The following MGAT5 variants were observed in gnomAD, a reference collection of about 807,000 sequenced individuals.
The protein encoded by MGAT5 is alpha-1,6-mannosylglycoprotein 6-beta-N-acetylglucosaminyltransferase A.
A neutral mutation model predicts 94.3 loss-of-function variants in MGAT5; 30 were observed. That is an observed-to-expected ratio of 0.32 (90% confidence interval 0.24 to 0.43). The LOEUF is 0.43. Ranked by LOEUF, MGAT5 falls within the 20% of genes least tolerant of loss-of-function variation. The probability of loss-of-function intolerance (pLI) is 1.00; values close to 1 mark genes in which losing one functional copy is unlikely to be tolerated. For missense variants in MGAT5, 691 were observed against 905.5 expected (o/e 0.76, Z 3.04); for synonymous variants, 310 against 322.9 (o/e 0.96, Z 0.43).
intron 12 of MGAT5, among the ~76,000 whole-genome samples, chr2:134,415,140 G>C (rs1048829773): frequency 6.6e-6 from 1 of 152,106 alleles, no homozygotes; most frequent in African/African-American, 2.4e-5. Context: ...CCCAGCAGTG[G>C]GATTGCTGGA....
rs186066355 is a variant in MGAT5 at position 134,158,268 on chromosome 2, C to T, written c.-143+37977C>T. Among the ~76,000 whole-genome samples the T allele has an allele frequency of 2.8e-3, 425 of 152,350 alleles. 2 individuals carry two copies. Among genetic ancestry groups the T allele is most frequent in the African/African-American group, 9.7e-3 (404 of 41,590 alleles). On this transcript the variant is annotated intron_variant, in intron 1 of 16. Coordinates refer to the MGAT5 transcript ENST00000409645. Reference sequence around the variant, plus strand: ...GAGTATGTCTGCCTCCTCCCAGTGTCCATGGCACCTAAATTGTGCCAAGGG... The same window carrying T: ...GAGTATGTCTGCCTCCTCCCAGTGTTCATGGCACCTAAATTGTGCCAAGGG...
chr2:134,371,249 G>A (rs1558832938), intron 10 of MGAT5, among the ~76,000 whole-genome samples: 1 of 152,124 alleles, frequency 6.6e-6, no homozygotes, highest in Non-Finnish European at 1.5e-5. Context: ...TTCCTTATCT[G>A]GCAGCCCTCC....
chr2:134,311,678 T>A (rs574730165), intron 2 of MGAT5, among the ~76,000 whole-genome samples: 1 of 152,286 alleles, frequency 6.6e-6, no homozygotes, highest in Non-Finnish European at 1.5e-5. Flanking sequence ...TTCCAGCCTC[T>A]TTGTTTTTGA....
chr2:134,129,331 T>C (rs1203838042), intron 1 of MGAT5, among the ~76,000 whole-genome samples: 1 of 152,184 alleles, frequency 6.6e-6, no homozygotes, highest in Non-Finnish European at 1.5e-5. Context: ...TCAGGATTGA[T>C]GTGATTAGAT....
rs1330332725 is a variant in MGAT5 at position 134,381,387 on chromosome 2, T to TAAGATAAGATA, written c.1380+18980_1380+18981insAGATAAGATAA. On this transcript the variant is annotated intron_variant, in intron 10 of 15. Transcript: ENST00000281923. ...GATAGATAAGATAAGATAGATTAGA[T>TAAGATAAGATA]AGATAGATAGATAGATAGATAGATA... Among the ~76,000 whole-genome samples the TAAGATAAGATA allele has an allele frequency of 1.0e-3, 48 of 46,848 alleles. 1 individual carries two copies. Among genetic ancestry groups the TAAGATAAGATA allele is most frequent in the East Asian group, 4.0e-3 (7 of 1,742 alleles). The allele number at this position is 46,848 out of a possible 152,430, so 30.7% of individuals were successfully genotyped here. A position where few individuals can be genotyped will look rare whatever the true frequency, so the allele number is the denominator to read the frequency against.
At chr2:134,313,492 T>C (rs745609172) in intron 2 of MGAT5, among the ~76,000 whole-genome samples, 1 of 152,076 alleles carries the variant, frequency 6.6e-6, no homozygotes, top group Non-Finnish European at 1.5e-5. Flanking sequence ...AGGTGAAGTT[T>C]TGGGGGAAAG....
At position 134,338,340 on chromosome 2, in the gene MGAT5, C is replaced by A; in HGVS notation, c.727C>A (p.Arg243=). 6.2e-7 allele frequency: 1 copy of A among 1,612,962 alleles called. No homozygotes were observed. The highest frequency in any genetic ancestry group is 8.5e-7 in the Non-Finnish European group (1 of 1,179,422). The change falls in exon 6 of 16, where the codon CGG becomes AGG. Residue 243 remains arginine (R), a synonymous_variant. Transcript: ENST00000281923. Reference sequence around the variant, plus strand: ...ATTCCGGTGGATGAGACTACGGATCCGGCGAATGGCTGACGCATGGATCCA... The same window carrying A: ...ATTCCGGTGGATGAGACTACGGATCAGGCGAATGGCTGACGCATGGATCCA... ...EEFRWMRLRI[R]RMADAWIQAI...
At chr2:134,229,572 A>G (rs1209361857) in intron 1 of MGAT5, among the ~76,000 whole-genome samples, 2 of 152,248 alleles carry the variant, frequency 1.3e-5, no homozygotes. Flanking sequence ...ATATGCCCAT[A>G]TATGTTAAAA....
At chr2:134,289,673 A>AT (rs1685227472) in intron 2 of MGAT5, among the ~76,000 whole-genome samples, 1 of 152,176 alleles carries the variant, frequency 6.6e-6, no homozygotes, top group African/African-American at 2.4e-5. Context: ...TGTACAAATA[A>AT]TATGGTTTAT....
At chr2:134,204,617 G>A (rs1201304822) in intron 1 of MGAT5, among the ~76,000 whole-genome samples, 1 of 152,156 alleles carries the variant, frequency 6.6e-6, no homozygotes, top group African/African-American at 2.4e-5. Flanking sequence ...AGTACCCCAG[G>A]AAGGAGATTT....
At chr2:134,179,087 G>A (rs1303293901) in intron 1 of MGAT5, among the ~76,000 whole-genome samples, 4 of 152,136 alleles carry the variant, frequency 2.6e-5, no homozygotes, top group Non-Finnish European at 4.4e-5. Flanking sequence ...TCCCAGCTGC[G>A]GATGAACAAG....
intron 2 of MGAT5, among the ~76,000 whole-genome samples, chr2:134,281,424 A>G (rs1329120384): frequency 6.6e-6 from 1 of 152,190 alleles, no homozygotes; most frequent in Non-Finnish European, 1.5e-5. Flanking sequence ...CTACCGGAGG[A>G]GAATGACTGA....
At chr2:134,341,496 A>G (rs1229489235) in intron 6 of MGAT5, 94 bp from the exon 7 acceptor site, 12 of 1,061,546 alleles carry the variant, frequency 1.1e-5, no homozygotes, top group African/African-American at 1.6e-5. Flanking sequence ...GGATGTAAAC[A>G]TGACTTTGGG....
At chr2:134,144,361 G>A (rs1334791560) in intron 1 of MGAT5, among the ~76,000 whole-genome samples, 2 of 152,084 alleles carry the variant, frequency 1.3e-5, no homozygotes, top group Non-Finnish European at 2.9e-5. Context: ...AGAGAGAGGC[G>A]GGAGGTGCTA....
At chr2:134,256,328 C>T (rs1035113811) in intron 1 of MGAT5, among the ~76,000 whole-genome samples, 3 of 152,204 alleles carry the variant, frequency 2.0e-5, no homozygotes, top group African/African-American at 7.2e-5. Flanking sequence ...GTATATGACA[C>T]AGCAGGTAAC....
chr2:134,254,401 G>T lies in MGAT5; in HGVS notation c.-3G>T. On this transcript the variant is annotated 5_prime_UTR_variant, in exon 1 of 16. Coordinates refer to ENST00000281923, the MANE Select transcript of MGAT5 (RefSeq NM_002410.5). ...CAAGGACAGGTGAAGTTGCCAGAGA[G>T]CAATGGCTCTCTTCACTCCGTGGAA... 1 of 1,614,164 alleles carries T rather than the reference G, an allele frequency of 6.2e-7. No homozygotes were observed. The highest frequency in any genetic ancestry group is 8.5e-7 in the Non-Finnish European group (1 of 1,180,022).
intron 15 of MGAT5, among the ~76,000 whole-genome samples, chr2:134,445,841 G>A (rs893741581): frequency 3.3e-5 from 5 of 152,204 alleles, no homozygotes; most frequent in African/African-American, 1.2e-4. Flanking sequence ...CCCCCTAGGG[G>A]TTGAGGATCC....
intron 4 of MGAT5, among the ~76,000 whole-genome samples, chr2:134,320,498 G>T (rs955096925): frequency 6.6e-6 from 1 of 152,058 alleles, no homozygotes; most frequent in African/African-American, 2.4e-5. Context: ...TTATGGACTG[G>T]GGGAGGAAGG....
At position 134,453,133 on chromosome 2, in the gene MGAT5, G is replaced by A. The variant is rs1473885001; in HGVS notation, c.*4286G>A. 1 of 152,236 alleles carries A rather than the reference G, an allele frequency of 6.6e-6. No individual in the cohort carries two copies. The highest frequency in any genetic ancestry group is 1.5e-5 in the Non-Finnish European group (1 of 68,042). The allele number at this position is 152,236 out of a possible 1,614,324, so 9.4% of individuals were successfully genotyped here. ...AGTGTTTCGTAAAACTTGAGAAATA[G>A]AGCTGAGCTCATTCCCTTCCTGTTG... is the stretch of plus-strand genomic sequence containing the variant. On this transcript the variant is annotated 3_prime_UTR_variant, in exon 16 of 16. Coordinates refer to ENST00000281923, the MANE Select transcript of MGAT5 (RefSeq NM_002410.5).
Sources: gnomAD v4.1 joint callset for allele counts (sites outside exome capture counted in the v4.1 genomes callset) on GRCh38, gnomAD v4.1.1 for gene constraint, MANE v1.5 for transcripts, NCBI Gene and HGNC (gene_info 2026-07-23, HGNC 2026-07-21) for gene names.